The following PRKG1 variants were observed in gnomAD, a reference collection of about 807,000 sequenced individuals.
The protein encoded by PRKG1 is protein kinase cGMP-dependent 1, also known as cGMP-dependent protein kinase 1.
Under a neutral mutation model 88.1 loss-of-function variants are expected in PRKG1, and 35 were observed. That is an observed-to-expected ratio of 0.40 (90% CI 0.30 to 0.53). PRKG1 has a LOEUF of 0.53. Among genes scored for constraint, PRKG1 ranks in the 20% least tolerant of loss-of-function variants. PRKG1 has a pLI of 0.59. For synonymous variants in PRKG1, 303 were observed against 292.5 expected (o/e 1.04, Z -0.37); for missense variants, 540 against 839.8 (o/e 0.64, Z 4.41).
At chr10:52,165,450 G>T (rs1379300397) in intron 9 of PRKG1, among the ~76,000 whole-genome samples, 1 of 152,036 alleles carries the variant, frequency 6.6e-6, no homozygotes, top group Non-Finnish European at 1.5e-5. Context: ...ATGCTGCAGG[G>T]GCTAGGAACC....
intron 9 of PRKG1, among the ~76,000 whole-genome samples, chr10:52,244,890 C>G (rs1225255461): frequency 1.2e-5 from 1 of 82,482 alleles, no homozygotes; most frequent in South Asian, 5.8e-4. Flanking sequence ...TTAAATAATA[C>G]TTTTTTAATA....
chr10:51,714,761 T>G (rs953532224), intron 3 of PRKG1, among the ~76,000 whole-genome samples: 1 of 152,228 alleles, frequency 6.6e-6, no homozygotes, highest in East Asian at 1.9e-4. Context: ...GAAGGTATCA[T>G]TCATTGTTTG....
chr10:51,410,855 A>G (rs1838064501), intron 2 of PRKG1, among the ~76,000 whole-genome samples: 1 of 151,604 alleles, frequency 6.6e-6, no homozygotes, highest in African/African-American at 2.4e-5. Flanking sequence ...GTAGTCAAAT[A>G]TATTTACATT....
chr10:51,716,747 C>A (rs1841896423), intron 3 of PRKG1, among the ~76,000 whole-genome samples: 1 of 152,168 alleles, frequency 6.6e-6, no homozygotes, highest in South Asian at 2.1e-4. Context: ...GGCCAGAGTG[C>A]AGTGACACCA....
At chr10:51,734,777 G>A (rs1274766431) in intron 3 of PRKG1, among the ~76,000 whole-genome samples, 1 of 152,144 alleles carries the variant, frequency 6.6e-6, no homozygotes, top group Non-Finnish European at 1.5e-5. Context: ...CTACTCCACT[G>A]AAAAGTTCAA....
chr10:52,255,015 G>A (rs1156295533), intron 10 of PRKG1, among the ~76,000 whole-genome samples: 1 of 151,992 alleles, frequency 6.6e-6, no homozygotes, highest in East Asian at 1.9e-4. Context: ...TCTGTTTTCT[G>A]GCATGTGCCA....
intron 2 of PRKG1, among the ~76,000 whole-genome samples, chr10:51,164,407 T>G (rs1846468229): frequency 6.6e-6 from 1 of 151,944 alleles, no homozygotes; most frequent in African/African-American, 2.4e-5. Context: ...TACATCACCA[T>G]CATCAAAGAC....
At chr10:51,259,138 G>T (rs1328980065) in intron 2 of PRKG1, among the ~76,000 whole-genome samples, 3 of 152,142 alleles carry the variant, frequency 2.0e-5, no homozygotes, top group African/African-American at 4.8e-5. Flanking sequence ...GCATATTTTT[G>T]TACATGGGTG....
intron 3 of PRKG1, among the ~76,000 whole-genome samples, chr10:51,474,912 A>T (rs1840149798): frequency 6.6e-6 from 1 of 151,958 alleles, no homozygotes. Context: ...CTAAGTCATC[A>T]TGATAATAAT....
intron 3 of PRKG1, among the ~76,000 whole-genome samples, chr10:51,657,626 T>C (rs1840194255): frequency 6.6e-6 from 1 of 152,174 alleles, no homozygotes; most frequent in Non-Finnish European, 1.5e-5. Flanking sequence ...AATATGCCTT[T>C]CTTTCACCTT....
intron 2 of PRKG1, among the ~76,000 whole-genome samples, chr10:51,234,616 G>A (rs1317374101): frequency 6.6e-5 from 10 of 151,792 alleles, no homozygotes; most frequent in African/African-American, 1.7e-4. Flanking sequence ...AATAGAACAC[G>A]GGAAGACAAA....
Position 51,294,453 on chromosome 10 carries a change from A to G in PRKG1, c.478+141123A>G, listed in dbSNP as rs183117447. 1.6e-3 allele frequency among the ~76,000 whole-genome samples: 244 copies of G among 151,382 alleles called. 5 individuals carry two copies. Among genetic ancestry groups the G allele is most frequent in the Non-Finnish European group, 3.5e-4 (24 of 67,894 alleles). On this transcript the variant is annotated intron_variant, in intron 2 of 17. Coordinates refer to ENST00000373980, the MANE Select transcript of PRKG1 (RefSeq NM_006258.4). ...TGGTTGGACATACTGTTTTCCCAAC[A>G]TAATTTATTTAGGAGACCATCCTTT...
At chr10:51,517,423 C>T (rs959304056) in intron 3 of PRKG1, among the ~76,000 whole-genome samples, 1 of 152,086 alleles carries the variant, frequency 6.6e-6, no homozygotes, top group Non-Finnish European at 1.5e-5. Flanking sequence ...GGAATGTGTA[C>T]CTGAGGGGGT....
intron 2 of PRKG1, among the ~76,000 whole-genome samples, chr10:51,309,505 C>G (rs942079276): frequency 6.6e-5 from 10 of 152,130 alleles, no homozygotes; most frequent in African/African-American, 2.4e-4. Flanking sequence ...CTTAACATCA[C>G]TAATCATCAG....
intron 2 of PRKG1, among the ~76,000 whole-genome samples, chr10:51,411,231 C>T (rs1319991324): frequency 3.9e-5 from 6 of 152,114 alleles, no homozygotes; most frequent in Admixed American, 3.9e-4. Context: ...AAACTCCTGA[C>T]CTCAAGTGAT....
chr10:51,627,869 TCCTTC>T (rs1360179192), intron 3 of PRKG1, among the ~76,000 whole-genome samples: 62 of 146,980 alleles, frequency 4.2e-4, no homozygotes, highest in African/African-American at 1.2e-3. Context: ...CTTCCTTCCT[TCCTTC>T]CCTTCCCTTC....
chr10:51,887,314 CTA>C (rs77913806), intron 4 of PRKG1, among the ~76,000 whole-genome samples: 63,064 of 151,854 alleles, frequency 0.42, 13,405 homozygotes, highest in East Asian at 0.62. Context: ...ATTATTTCAT[CTA>C]TAAGTGACAT....
rs1342049452 is a variant in PRKG1 at position 51,053,777 on chromosome 10, TG to T, written c.266+62134del. Among the ~76,000 whole-genome samples, 459 of 64,124 alleles carry T rather than the reference TG, an allele frequency of 7.2e-3. 4 individuals are homozygous for T. The highest frequency in any genetic ancestry group is 0.01 in the African/African-American group (240 of 22,918). 42.1% of individuals were successfully genotyped at this position (64,124 alleles called of 152,430 possible). On this transcript the variant is annotated intron_variant, in intron 1 of 17. Coordinates refer to the PRKG1 transcript ENST00000401604. ...GTGTTCAGTAGTTATGGGTTTTTTTTGTTTTTTTTTTTTTTAACTTTTGAAT... is the reference window on the plus strand; with the variant it reads ...GTGTTCAGTAGTTATGGGTTTTTTTTTTTTTTTTTTTTTTAACTTTTGAAT...
chr10:51,594,365 A>G (rs1838388932), intron 3 of PRKG1, among the ~76,000 whole-genome samples: 1 of 152,158 alleles, frequency 6.6e-6, no homozygotes, highest in Non-Finnish European at 1.5e-5. Context: ...AAAGCCTAAG[A>G]CATTTGATCA....
Sources: allele counts gnomAD v4.1 joint callset (sites outside exome capture counted in the v4.1 genomes callset), GRCh38; gene constraint gnomAD v4.1.1; transcripts MANE v1.5; gene names NCBI Gene and HGNC (gene_info 2026-07-23, HGNC 2026-07-21).